KMT2A: variants seen among roughly 807,000 people sequenced by gnomAD.
KMT2A encodes the protein lysine methyltransferase 2A, also known as histone-lysine N-methyltransferase 2A.
In KMT2A, 16 loss-of-function variants were observed where a neutral mutation model predicts 345.3. That is an observed-to-expected ratio of 0.05 (90% confidence interval 0.03 to 0.07). KMT2A has a LOEUF of 0.07. Among genes scored for constraint, KMT2A ranks in the 10% least tolerant of loss-of-function variants. The pLI is 1.00. For missense variants in KMT2A, 3,272 were observed against 4,841.6 expected (o/e 0.68, Z 9.62); for synonymous variants, 1,599 against 1,778.6 (o/e 0.90, Z 2.54).
At position 118,493,020 on chromosome 11, in the gene KMT2A, G is replaced by A; in HGVS notation, c.5005-37G>A. 4 of 1,566,170 alleles carry A rather than the reference G, an allele frequency of 2.6e-6. No individual in the cohort carries two copies. The South Asian group carries it at 4.6e-5, about 18-fold the overall frequency. On this transcript the variant is annotated intron_variant, in intron 15 of 35. Transcript: ENST00000534358. This position sits in a 1 kb window ranked among gnomAD's most constrained non-coding sequence, Gnocchi z 5.8. ...AATTTACATGGACACCTTGGTTTTA[G>A]TGTTAGATAAAAGCAACATATCTTT...
chr11:118,496,143 A>G lies in KMT2A; in HGVS notation c.5558-118A>G. On this transcript the variant is annotated intron_variant, in intron 19 of 35. Coordinates refer to ENST00000534358, the MANE Select transcript of KMT2A (RefSeq NM_001197104.2). This position sits in a 1 kb window ranked among gnomAD's most constrained non-coding sequence, Gnocchi z 4.7. ...TCTGAACACTTTTTGAAAAGTGGTT[A>G]TTTTATAGGCTGTGGGCTATGTAAG... is the stretch of plus-strand genomic sequence containing the variant. 1.3e-6 allele frequency: 1 copy of G among 797,470 alleles called. No individual in the cohort carries two copies. The highest frequency in any genetic ancestry group is 2.1e-6 in the Non-Finnish European group (1 of 480,338). 49.4% of individuals were successfully genotyped at this position (797,470 alleles called of 1,614,324 possible).
At chr11:118,463,430 G>A (rs1447586846) in intron 1 of KMT2A, among the ~76,000 whole-genome samples, 1 of 152,190 alleles carries the variant, frequency 6.6e-6, no homozygotes, top group Non-Finnish European at 1.5e-5. Flanking sequence ...ATGTCTTTGT[G>A]AAATGCATAG....
rs1026570489 is a variant in KMT2A, at chr11:118,526,135, C to T, written c.*3963C>T. On this transcript the variant is annotated 3_prime_UTR_variant, in exon 36 of 36. Transcript: ENST00000534358. ...GTCAGGCTCACTTTCCTCTGATTCCCGAAATGGGGGGAACCTCTAACCATA... is the reference window on the plus strand; with the variant it reads ...GTCAGGCTCACTTTCCTCTGATTCCTGAAATGGGGGGAACCTCTAACCATA... 7 of 217,638 alleles carry T rather than the reference C, an allele frequency of 3.2e-5. No homozygotes were observed. Among genetic ancestry groups the T allele is most frequent in the Non-Finnish European group, 5.5e-5 (6 of 108,184 alleles). 13.5% of individuals were successfully genotyped at this position (217,638 alleles called of 1,614,324 possible).
intron 31 of KMT2A, among the ~76,000 whole-genome samples, chr11:118,514,000 A>G (rs1393207237): frequency 1.3e-5 from 2 of 151,512 alleles, no homozygotes; most frequent in Non-Finnish European, 2.9e-5. Flanking sequence ...TTAAAATTCT[A>G]CCCCAAAAAT....
At chr11:118,445,259 C>A (rs1318085701) in intron 1 of KMT2A, among the ~76,000 whole-genome samples, 1 of 152,018 alleles carries the variant, frequency 6.6e-6, no homozygotes, top group Non-Finnish European at 1.5e-5. Context: ...CCAACTAAAG[C>A]ATATTAAAGA....
At position 118,472,862 on chromosome 11, in the gene KMT2A, C is replaced by T; in HGVS notation, c.1703C>T (p.Pro568Leu). The T allele has an allele frequency of 6.2e-7, 1 of 1,614,042 alleles. No homozygotes were observed. The highest frequency in any genetic ancestry group is 8.5e-7 in the Non-Finnish European group (1 of 1,179,984). Reference protein sequence around the residue: ...SSSPPPPLLTPPPPLQPASSI... With the variant: ...SSSPPPPLLTLPPPLQPASSI... ...TCTCCACCTCCACCTCTGCTGACTCCACCGCCACCACTGCAGCCAGCCTCC... is the reference window on the plus strand; with the variant it reads ...TCTCCACCTCCACCTCTGCTGACTCTACCGCCACCACTGCAGCCAGCCTCC... The change falls in exon 3 of 36, where the codon CCA becomes CTA. Residue 568 changes from proline (P) to leucine (L), a missense_variant. Physicochemically the swap from Pro to Leu is moderately conservative, Grantham distance 98. Transcript: ENST00000534358.
At position 118,501,775 on chromosome 11, in the gene KMT2A, C is replaced by G; in HGVS notation, c.6423C>G (p.Val2141=). ...CCTCTGGCTCCTGTTATTATCATGT[C>G]ATCTCAAAGGTCCCCAGGATTCGAA... ...SQTSGSCYYH[V]ISKVPRIRTP... is the part of the protein sequence containing the mutation. The change falls in exon 26 of 36, where the codon GTC becomes GTG. Residue 2141 remains valine, a synonymous_variant. Coordinates refer to ENST00000534358, the MANE Select transcript of KMT2A (RefSeq NM_001197104.2). 2 of 1,614,056 alleles carry G rather than the reference C, an allele frequency of 1.2e-6. No homozygotes were observed. Among genetic ancestry groups the G allele is most frequent in the East Asian group, 4.5e-5 (2 of 44,878 alleles).
At chr11:118,465,263 A>C (rs979976684) in intron 1 of KMT2A, among the ~76,000 whole-genome samples, 1 of 152,134 alleles carries the variant, frequency 6.6e-6, no homozygotes, top group African/African-American at 2.4e-5. Context: ...AAATCTATGA[A>C]GGGCACCCAT....
At chr11:118,501,890 A>T in intron 26 of KMT2A, 33 bp downstream of exon 26, 2 of 1,537,816 alleles carry the variant, frequency 1.3e-6, no homozygotes, top group South Asian at 1.2e-5. Context: ...TTGACCTAAG[A>T]AGATCAGCCC....
In KMT2A at chr11:118,522,942, G is replaced by A. The variant is rs537434700; in HGVS notation, c.*770G>A. On this transcript the variant is annotated 3_prime_UTR_variant, in exon 36 of 36. Transcript: ENST00000534358. The surrounding 1 kb of genome is among the most constrained non-coding windows in gnomAD (Gnocchi z 5.4). ...GCCACTGCTTTCCCATGCTTCTTTC[G>A]GGTTGTAGGGGAGACTGACTGCCTG... 2.3e-4 allele frequency: 52 copies of A among 225,754 alleles called. No individual in the cohort carries two copies. The highest frequency in any genetic ancestry group is 1.9e-4 in the East Asian group (3 of 15,594). The allele number at this position is 225,754 out of a possible 1,614,324, so 14.0% of individuals were successfully genotyped here.
Position 118,472,410 on chromosome 11 carries a change from C to A in KMT2A, c.1251C>A (p.Ile417=), listed in dbSNP as rs1555035878. 2 of 1,613,940 alleles carry A rather than the reference C, an allele frequency of 1.2e-6. No individual in the cohort carries two copies. Among genetic ancestry groups the A allele is most frequent in the African/African-American group, 2.7e-5 (2 of 74,898 alleles). Residue 417 remains isoleucine, a synonymous_variant, in exon 3 of 36, where the codon ATC becomes ATA. Coordinates refer to ENST00000534358, the MANE Select transcript of KMT2A (RefSeq NM_001197104.2). ...TCATCATGCCTGTTGTCAGTGCTATCTCCTCGCGGATCATTAAGACCCCTC... is the reference window on the plus strand; with the variant it reads ...TCATCATGCCTGTTGTCAGTGCTATATCCTCGCGGATCATTAAGACCCCTC... ...RQFIMPVVSA[I]SSRIIKTPRR...
In KMT2A at chr11:118,495,140, T is replaced by C. The variant is rs1261581381; in HGVS notation, c.5363+373T>C. On this transcript the variant is annotated intron_variant, in intron 18 of 35. Coordinates refer to ENST00000534358, the MANE Select transcript of KMT2A (RefSeq NM_001197104.2). The surrounding 1 kb of genome is among the most constrained non-coding windows in gnomAD (Gnocchi z 4.1). Reference sequence around the variant, plus strand: ...TAATTTTTATTCCAGTAAATTCTTTTGATTTGATTTTATTTATTTATTTAT... The same window carrying C: ...TAATTTTTATTCCAGTAAATTCTTTCGATTTGATTTTATTTATTTATTTAT... Among the ~76,000 whole-genome samples, 1 of 151,988 alleles carries C rather than the reference T, an allele frequency of 6.6e-6. No individual in the cohort carries two copies.
At chr11:118,460,062 T>G (rs1555032137) in intron 1 of KMT2A, among the ~76,000 whole-genome samples, 1 of 152,120 alleles carries the variant, frequency 6.6e-6, no homozygotes, top group Non-Finnish European at 1.5e-5. Context: ...GAAGAAAACA[T>G]TACAGTTTAT....
rs2134263379 is a variant in KMT2A, at chr11:118,472,827, G to C, written c.1668G>C (p.Gln556His). ...LSTLQSAPQQ[Q>H]TSSSPPPPLL... Reference sequence around the variant, plus strand: ...CTCTACAAAGTGCCCCCCAGCAGCAGACCTCCTCGTCTCCACCTCCACCTC... The same window carrying C: ...CTCTACAAAGTGCCCCCCAGCAGCACACCTCCTCGTCTCCACCTCCACCTC... The change falls in exon 3 of 36, where the codon CAG (glutamine) becomes CAC (histidine). Residue 556 changes from glutamine (Q) to histidine (H), a missense_variant. By Grantham distance (24) the Gln-to-His change is conservative. This residue lies in a region of KMT2A where 180 missense variants were observed against 190.7 expected (regional missense o/e 0.94). Transcript: ENST00000534358. The C allele has an allele frequency of 1.2e-6, 2 of 1,613,656 alleles. No homozygotes were observed. Among genetic ancestry groups the C allele is most frequent in the East Asian group, 4.5e-5 (2 of 44,890 alleles).
chr11:118,437,202 G>T (rs1448964998), intron 1 of KMT2A, among the ~76,000 whole-genome samples: 4 of 138,660 alleles, frequency 2.9e-5, no homozygotes, highest in African/African-American at 1.1e-4. Flanking sequence ...CAAATCCCTT[G>T]GCACAGACCC....
chr11:118,489,401 T>G (rs1448024131), intron 11 of KMT2A, among the ~76,000 whole-genome samples: 1 of 152,186 alleles, frequency 6.6e-6, no homozygotes, highest in African/African-American at 2.4e-5. Flanking sequence ...AGTATTGCTT[T>G]CTTTCTTGAT....
intron 31 of KMT2A, 126 bp downstream of exon 31, chr11:118,512,151 T>A: frequency 1.4e-6 from 1 of 716,142 alleles, no homozygotes. Context: ...TATTGAGATT[T>A]AATTCATATA....
chr11:118,504,225 A>G lies in KMT2A; in HGVS notation c.8333A>G (p.Lys2778Arg). 4 of 1,614,208 alleles carry G rather than the reference A, an allele frequency of 2.5e-6. No homozygotes were observed. Among genetic ancestry groups the G allele is most frequent in the Non-Finnish European group, 3.4e-6 (4 of 1,180,036 alleles). ...EHVTKSSVGH[K>R]NEPKMDNCHS... ...GTCACTAAGAGTTCTGTTGGCCACA[A>G]AAATGAGCCAAAGATGGATAACTGC... The change falls in exon 27 of 36, where the codon AAA becomes AGA. Residue 2778 changes from lysine to arginine, a missense_variant. Physicochemically the swap from Lys to Arg is conservative, Grantham distance 26. Transcript: ENST00000534358. The surrounding 1 kb of genome is among the most constrained non-coding windows in gnomAD (Gnocchi z 6.4).
chr11:118,453,977 T>G (rs560810459), intron 1 of KMT2A, among the ~76,000 whole-genome samples: 8 of 152,308 alleles, frequency 5.3e-5, no homozygotes, highest in African/African-American at 1.9e-4. Context: ...TATCGTCGAT[T>G]TATCTCTTTT....
Sources: allele counts gnomAD v4.1 joint callset (sites outside exome capture counted in the v4.1 genomes callset), GRCh38; gene constraint gnomAD v4.1.1; regional missense constraint gnomAD v4.1.1; non-coding constraint Gnocchi (gnomAD v3.1); transcripts MANE v1.5; gene names NCBI Gene and HGNC (gene_info 2026-07-23, HGNC 2026-07-21).